Variants in PRIM2 observed in about 807,000 individuals in gnomAD.
The protein encoded by PRIM2 is DNA primase subunit 2, also known as DNA primase large subunit.
PRIM2 carries 39 observed loss-of-function variants against 67.3 expected under a neutral mutation model. That is an observed-to-expected ratio of 0.58 (90% confidence interval 0.45 to 0.76). The LOEUF (loss-of-function observed/expected upper bound fraction) is 0.76. Among genes scored for constraint, PRIM2 ranks in the 30% least tolerant of loss-of-function variants. PRIM2 has a pLI of 0.00. For synonymous variants in PRIM2, 143 were observed against 198.7 expected, an observed-to-expected ratio of 0.72 and a Z score of 2.36; for missense variants, 398 against 598.7, an observed-to-expected ratio of 0.66 and a Z score of 3.50.
At chr6:57,483,162 C>G (rs1267972000) in intron 7 of PRIM2, among the ~76,000 whole-genome samples, 1 of 152,132 alleles carries the variant, frequency 6.6e-6, no homozygotes, top group Non-Finnish European at 1.5e-5. Flanking sequence ...CCAGCCTCGG[C>G]CTCCCAAAGT....
intron 10 of PRIM2, among the ~76,000 whole-genome samples, chr6:57,547,839 G>T (rs1775319912): frequency 6.6e-6 from 1 of 152,214 alleles, no homozygotes. Flanking sequence ...GAACAAACTT[G>T]TGTTGTTAAA....
Position 57,507,411 on chromosome 6 carries a change from G to A in PRIM2, c.718G>A (p.Val240Met). 1.3e-6 allele frequency: 2 copies of A among 1,559,440 alleles called. No homozygotes were observed. The highest frequency in any genetic ancestry group is 1.2e-5 in the South Asian group (1 of 85,620). Reference protein sequence around the residue: ...LALTARSLPAVQSDERLQPLL... With the variant: ...LALTARSLPAMQSDERLQPLL... ...GTTAACAGCCAGGTCCTTGCCTGCTGTGCAGTCTGATGAAAGACTTCAGCC... is the reference window on the plus strand; with the variant it reads ...GTTAACAGCCAGGTCCTTGCCTGCTATGCAGTCTGATGAAAGACTTCAGCC... The change falls in exon 8 of 14, where the codon GTG (valine) becomes ATG (methionine). Residue 240 changes from valine to methionine, a missense_variant. Physicochemically the swap from Val to Met is conservative, Grantham distance 21. This residue lies in a region of PRIM2 where 229 missense variants were observed against 383.6 expected (regional missense o/e 0.60). Transcript: ENST00000615550.
At chr6:57,299,505 A>G in the PRIM2 span, among the ~76,000 whole-genome samples, 2 of 152,260 alleles carry the variant, frequency 1.3e-5, no homozygotes, top group East Asian at 3.9e-4. Context: ...CTGGACTAAA[A>G]TGTCCGAAGT....
At chr6:57,244,030 T>G in the PRIM2 span, among the ~76,000 whole-genome samples, 1 of 152,188 alleles carries the variant, frequency 6.6e-6, no homozygotes, top group Non-Finnish European at 1.5e-5. Flanking sequence ...AGCAGTCACA[T>G]ATTCTGTTCT....
At chr6:57,411,427 TAAA>T (rs1207157093) in intron 7 of PRIM2, among the ~76,000 whole-genome samples, 29 of 151,562 alleles carry the variant, frequency 1.9e-4, no homozygotes, top group Admixed American at 4.6e-4. Flanking sequence ...CTTGTCTCTA[TAAA>T]AAGTATGATT....
intron 7 of PRIM2, among the ~76,000 whole-genome samples, chr6:57,416,173 A>G (rs1248525826): frequency 6.6e-6 from 1 of 152,194 alleles, no homozygotes; most frequent in Non-Finnish European, 1.5e-5. Context: ...GAAAGTTAAA[A>G]TATTCCTGAT....
At chr6:57,327,490 C>T (rs1423969853) in intron 5 of PRIM2, among the ~76,000 whole-genome samples, 7 of 152,262 alleles carry the variant, frequency 4.6e-5, no homozygotes, top group South Asian at 4.1e-4. Context: ...ATTTTGTAGA[C>T]GTTTAGTGTC....
intron 5 of PRIM2, among the ~76,000 whole-genome samples, chr6:57,367,594 A>T (rs73748691): frequency 6.6e-6 from 1 of 152,220 alleles, no homozygotes; most frequent in South Asian, 2.1e-4. Context: ...GGGATTCAGA[A>T]TGGGCTTACA....
intron 7 of PRIM2, among the ~76,000 whole-genome samples, chr6:57,420,758 G>A (rs1388483170): frequency 7.9e-5 from 12 of 152,192 alleles, no homozygotes; most frequent in Middle Eastern, 3.2e-3. Context: ...GAGGAGGAAG[G>A]AAAATAACTA....
intron 8 of PRIM2, among the ~76,000 whole-genome samples, chr6:57,510,397 G>GTTAAT (rs1748244379): frequency 6.6e-6 from 1 of 152,048 alleles, no homozygotes; most frequent in East Asian, 1.9e-4. Context: ...GTAGAATCTA[G>GTTAAT]CTTTTAGTTA....
At chr6:57,420,519 A>G (rs1000197449) in intron 7 of PRIM2, among the ~76,000 whole-genome samples, 14 of 152,118 alleles carry the variant, frequency 9.2e-5, no homozygotes, top group African/African-American at 3.4e-4. Context: ...AAAGAATAAT[A>G]TTTCATCTTC....
upstream of PRIM2, among the ~76,000 whole-genome samples, chr6:57,313,110 C>A (rs2127263341): frequency 6.6e-6 from 1 of 152,304 alleles, no homozygotes; most frequent in East Asian, 1.9e-4. Flanking sequence ...AGCCTTCCAT[C>A]TGCCTGAAAT....
At chr6:57,411,545 A>AGCCTGGGCCACAGAGTGAG (rs1437418255) in intron 7 of PRIM2, among the ~76,000 whole-genome samples, 1 of 151,488 alleles carries the variant, frequency 6.6e-6, no homozygotes, top group Non-Finnish European at 1.5e-5. Flanking sequence ...ACTGCACTGC[A>AGCCTGGGCCACAGAGTGAG]GCCTGGGCCA....
intron 7 of PRIM2, among the ~76,000 whole-genome samples, chr6:57,408,275 A>G (rs1302069427): frequency 1.2e-4 from 19 of 152,196 alleles, no homozygotes; most frequent in Non-Finnish European, 1.8e-4. Context: ...AGAAGCAAGA[A>G]GCGCCCCTTT....
At chr6:57,261,053 T>C in the PRIM2 span, among the ~76,000 whole-genome samples, 4 of 152,208 alleles carry the variant, frequency 2.6e-5, no homozygotes, top group South Asian at 2.1e-4. Flanking sequence ...ATTTATGATA[T>C]GCAAGCCATG....
intron 7 of PRIM2, among the ~76,000 whole-genome samples, chr6:57,428,023 C>T (rs1156929238): frequency 6.6e-6 from 1 of 151,798 alleles, no homozygotes; most frequent in Non-Finnish European, 1.5e-5. Flanking sequence ...CCTGTGGCTA[C>T]ATTTAGACAG....
At chr6:57,235,398 A>T in the PRIM2 span, among the ~76,000 whole-genome samples, 1 of 151,860 alleles carries the variant, frequency 6.6e-6, no homozygotes, top group Admixed American at 6.6e-5. Context: ...CAGGAGGGGG[A>T]GATTGCAGTG....
At chr6:57,339,656 C>T (rs1327731723) in intron 5 of PRIM2, among the ~76,000 whole-genome samples, 22 of 151,946 alleles carry the variant, frequency 1.4e-4, no homozygotes, top group Non-Finnish European at 2.5e-4. Context: ...TAGCCATATG[C>T]AGAAAGCTGA....
At position 57,507,455 on chromosome 6, in the gene PRIM2, G is replaced by A. The variant is rs1774273229; in HGVS notation, c.761+1G>A. The A allele has an allele frequency of 6.7e-7, 1 of 1,495,442 alleles. No homozygotes were observed. The highest frequency in any genetic ancestry group is 9.1e-7 in the Non-Finnish European group (1 of 1,099,240). 92.6% of individuals were successfully genotyped at this position (1,495,442 alleles called of 1,614,324 possible). ...TTCAGCCTCTGCTCAATCACCTCAG[G>A]TAATATAAGGGCACAGCCTTGTTAT... On this transcript the variant is annotated splice_donor_variant, in intron 8 of 13. Coordinates refer to ENST00000615550, the MANE Select transcript of PRIM2 (RefSeq NM_000947.5). LOFTEE classifies it high-confidence loss of function.
Sources: gnomAD v4.1 joint callset for allele counts (sites outside exome capture counted in the v4.1 genomes callset) on GRCh38, gnomAD v4.1.1 for gene constraint, gnomAD v4.1.1 regional missense constraint, MANE v1.5 for transcripts, NCBI Gene and HGNC (gene_info 2026-07-23, HGNC 2026-07-21) for gene names.